SETBP1: variants seen among roughly 807,000 people sequenced by gnomAD.
SETBP1 encodes SET binding protein 1.
Under a neutral mutation model 101.0 loss-of-function variants are expected in SETBP1, and 9 were observed. That is an observed-to-expected ratio of 0.09 (90% CI 0.05 to 0.16). The LOEUF (loss-of-function observed/expected upper bound fraction) is 0.16, where lower values mean the gene tolerates loss of function less well. SETBP1 is among the 10% of genes least tolerant of loss of function. The pLI is 1.00. For synonymous variants in SETBP1, 818 were observed against 788.5 expected (o/e 1.04, Z -0.63); for missense variants, 1,858 against 2,033.8 (o/e 0.91, Z 1.66).
At position 44,714,485 on chromosome 18, in the gene SETBP1, A is replaced by G. The variant is rs562526370; in HGVS notation, c.486+12653A>G. Among the ~76,000 whole-genome samples, 19 of 152,242 alleles carry G rather than the reference A, an allele frequency of 1.2e-4. No homozygotes were observed. The East Asian group carries it at 2.7e-3, about 22-fold the overall frequency. On this transcript the variant is annotated intron_variant, in intron 2 of 5. Coordinates refer to ENST00000649279, the MANE Select transcript of SETBP1 (RefSeq NM_015559.3). The stretch of plus-strand genomic sequence containing the variant: ...CCAAAGTTCTGGGATTACAGGCGTG[A>G]GCCACCGCACCTGGCCTTAGCTCTT...
At chr18:45,001,568 G>A (rs2072619577) in intron 4 of SETBP1, among the ~76,000 whole-genome samples, 2 of 152,064 alleles carry the variant, frequency 1.3e-5, no homozygotes, top group Non-Finnish European at 2.9e-5. Context: ...CCAATATTAG[G>A]GATACTGTAG....
intron 3 of SETBP1, among the ~76,000 whole-genome samples, chr18:44,896,808 A>G (rs890518469): frequency 5.9e-5 from 9 of 152,016 alleles, no homozygotes; most frequent in African/African-American, 2.2e-4. Flanking sequence ...TTTTCCTCCT[A>G]TGATATCTTT....
chr18:44,927,947 A>G (rs985324299), intron 3 of SETBP1, among the ~76,000 whole-genome samples: 3 of 152,188 alleles, frequency 2.0e-5, no homozygotes, highest in Non-Finnish European at 4.4e-5. Context: ...ATATATAATT[A>G]TACTTTAAGT....
intron 4 of SETBP1, among the ~76,000 whole-genome samples, chr18:45,007,695 A>G (rs1293034671): frequency 6.6e-6 from 1 of 152,214 alleles, no homozygotes; most frequent in Non-Finnish European, 1.5e-5. Context: ...TTGCTACTTA[A>G]GAACACTCAG....
chr18:44,914,124 C>T (rs528826702), intron 3 of SETBP1, among the ~76,000 whole-genome samples: 8 of 152,334 alleles, frequency 5.3e-5, no homozygotes, highest in African/African-American at 1.4e-4. Context: ...CTCCCAGACA[C>T]GCCTTTCTTT....
At chr18:44,696,568 T>G (rs1325817153) in intron 1 of SETBP1, among the ~76,000 whole-genome samples, 1 of 152,230 alleles carries the variant, frequency 6.6e-6, no homozygotes, top group Non-Finnish European at 1.5e-5. Context: ...TGGAACTTAT[T>G]TGGGTATAAG....
chr18:45,036,240 G>A (rs933897283), intron 4 of SETBP1, among the ~76,000 whole-genome samples: 2 of 151,602 alleles, frequency 1.3e-5, no homozygotes, highest in Non-Finnish European at 1.5e-5. Flanking sequence ...GGCTGAGGCA[G>A]GAGAATCGCT....
intron 2 of SETBP1, among the ~76,000 whole-genome samples, chr18:44,815,101 A>G (rs564724939): frequency 8.7e-4 from 132 of 152,342 alleles, no homozygotes; most frequent in South Asian, 8.3e-4. Flanking sequence ...CAACTAAGTG[A>G]AGACTTGTAT....
intron 3 of SETBP1, among the ~76,000 whole-genome samples, chr18:44,935,893 C>T (rs9965135): frequency 0.035 from 5,400 of 152,242 alleles, 297 homozygotes; most frequent in African/African-American, 0.12. Flanking sequence ...GACATTCACA[C>T]GTGAATGTTC....
At chr18:44,843,354 A>G (rs1306143581) in intron 2 of SETBP1, among the ~76,000 whole-genome samples, 1 of 152,186 alleles carries the variant, frequency 6.6e-6, no homozygotes, top group Non-Finnish European at 1.5e-5. Flanking sequence ...ATACTCATGC[A>G]CACCACACCC....
chr18:44,975,673 T>G (rs8085295), intron 4 of SETBP1, among the ~76,000 whole-genome samples: 1 of 151,992 alleles, frequency 6.6e-6, no homozygotes, highest in African/African-American at 2.4e-5. Context: ...ACTACATAAC[T>G]TCGCATAGCT....
chr18:45,054,191 A>T (rs2073769356), intron 5 of SETBP1, among the ~76,000 whole-genome samples: 1 of 145,338 alleles, frequency 6.9e-6, no homozygotes, highest in Non-Finnish European at 1.5e-5. Flanking sequence ...GAAGCCACTA[A>T]TTTTTTTTTT....
intron 2 of SETBP1, among the ~76,000 whole-genome samples, chr18:44,843,023 C>G (rs1235701011): frequency 6.6e-6 from 1 of 152,228 alleles, no homozygotes; most frequent in African/African-American, 2.4e-5. Flanking sequence ...CCAAAGAGAC[C>G]GATAGCAGCC....
At chr18:44,787,824 G>A (rs1351039093) in intron 2 of SETBP1, among the ~76,000 whole-genome samples, 3 of 96,992 alleles carry the variant, frequency 3.1e-5, no homozygotes, top group Non-Finnish European at 5.8e-5. Context: ...ACTGCAGTCC[G>A]CAGTCCGGCC....
At chr18:44,834,796 T>C (rs1482369049) in intron 2 of SETBP1, among the ~76,000 whole-genome samples, 1 of 152,118 alleles carries the variant, frequency 6.6e-6, no homozygotes, top group Non-Finnish European at 1.5e-5. Flanking sequence ...TACAACCAGA[T>C]ACCTTTGTTC....
intron 3 of SETBP1, among the ~76,000 whole-genome samples, chr18:44,937,440 G>T (rs1433666401): frequency 7.7e-6 from 1 of 129,888 alleles, no homozygotes; most frequent in African/African-American, 2.9e-5. Context: ...GGGCGACAGA[G>T]CGAGACTCCG....
intron 5 of SETBP1, among the ~76,000 whole-genome samples, chr18:45,057,130 G>A (rs2073822252): frequency 6.6e-6 from 1 of 152,068 alleles, no homozygotes; most frequent in South Asian, 2.1e-4. Context: ...TGTAGCATTT[G>A]TGTTGATAAC....
intron 4 of SETBP1, among the ~76,000 whole-genome samples, chr18:44,972,075 G>A (rs1420706060): frequency 6.6e-6 from 1 of 152,208 alleles, no homozygotes; most frequent in Non-Finnish European, 1.5e-5. Context: ...AAGGGATCCA[G>A]TTTCAGCTTT....
chr18:44,926,762 AAAC>A (rs200000678), intron 3 of SETBP1, among the ~76,000 whole-genome samples: 197 of 96,076 alleles, frequency 2.1e-3, no homozygotes, highest in Admixed American at 8.3e-3. Context: ...ACAAACAAAC[AAAC>A]AACAACAACA....
Sources: gnomAD v4.1 joint callset for allele counts (sites outside exome capture counted in the v4.1 genomes callset) on GRCh38, gnomAD v4.1.1 for gene constraint, MANE v1.5 for transcripts, NCBI Gene and HGNC (gene_info 2026-07-23, HGNC 2026-07-21) for gene names.